WNT16: variants seen among roughly 807,000 people sequenced by gnomAD.
The protein encoded by WNT16 is protein Wnt-16.
Under a neutral mutation model 35.4 loss-of-function variants are expected in WNT16, and 20 were observed. The ratio of observed to expected loss-of-function variants is 0.56; its 90% CI spans 0.40 to 0.82. The LOEUF (loss-of-function observed/expected upper bound fraction) is 0.82. WNT16 is among the 40% of genes least tolerant of loss of function. The probability of loss-of-function intolerance (pLI) is 0.00; values close to 1 mark genes in which losing one functional copy is unlikely to be tolerated. For synonymous variants in WNT16, 180 were observed against 179.2 expected (o/e 1.00, Z -0.03); for missense variants, 461 against 466.0 (o/e 0.99, Z 0.10).
upstream of WNT16, among the ~76,000 whole-genome samples, chr7:121,326,518 C>G (rs1156524705): frequency 6.6e-6 from 1 of 152,162 alleles, no homozygotes. Context: ...ACCCCAAAGG[C>G]TTTATCTGGA....
chr7:121,331,590 T>C, intron 2 of WNT16, 88 bp from the exon 3 acceptor site: 1 of 1,251,476 alleles, frequency 8.0e-7, no homozygotes, highest in South Asian at 1.5e-5. Flanking sequence ...AAATTACTTG[T>C]CCAGTAAGAT....
Position 121,329,836 on chromosome 7 carries a change from G to A in WNT16, c.346+19G>A, listed in dbSNP as rs911217185. ...AGCAGCGGTGAGTCCTGGGTCCTTAGGGGTTGGTGGGGGACGGAAGGCGAC... is the reference window on the plus strand; with the variant it reads ...AGCAGCGGTGAGTCCTGGGTCCTTAAGGGTTGGTGGGGGACGGAAGGCGAC... On this transcript the variant is annotated intron_variant, in intron 2 of 3. Coordinates refer to ENST00000222462, the MANE Select transcript of WNT16 (RefSeq NM_057168.2). 11 of 1,593,810 alleles carry A rather than the reference G, an allele frequency of 6.9e-6. No homozygotes were observed. Among genetic ancestry groups the A allele is most frequent in the Non-Finnish European group, 5.9e-6 (7 of 1,176,648 alleles).
At chr7:121,327,714 A>G (rs1334938565), upstream of WNT16, among the ~76,000 whole-genome samples, 1 of 152,114 alleles carries the variant, frequency 6.6e-6, no homozygotes, top group East Asian at 1.9e-4. Context: ...CCACCATGGG[A>G]ATGTATTAAC....
intron 3 of WNT16, among the ~76,000 whole-genome samples, 184 bp downstream of exon 3, chr7:121,332,148 T>A (rs1476345524): frequency 6.6e-6 from 1 of 152,226 alleles, no homozygotes; most frequent in Non-Finnish European, 1.5e-5. Flanking sequence ...TTTCTAAATA[T>A]GTATGCGTTA....
chr7:121,335,718 A>G, intron 3 of WNT16, among the ~76,000 whole-genome samples: 1 of 152,080 alleles, frequency 6.6e-6, no homozygotes, highest in East Asian at 1.9e-4. Flanking sequence ...TTCCTTAAAT[A>G]TACTTGCATT....
At position 121,331,771 on chromosome 7, in the gene WNT16, G is replaced by A. The variant is rs1793352053; in HGVS notation, c.440G>A (p.Cys147Tyr). The stretch of plus-strand genomic sequence containing the variant: ...TGCAGTGCAGGCAACATGACAGAGT[G>A]TTCCTGTGACACCACCTTGCAGAAC... ...RSCSAGNMTE[C>Y]SCDTTLQNGG... Residue 147 changes from cysteine to tyrosine, a missense_variant, in exon 3 of 4, where the codon TGT (cysteine) becomes TAT (tyrosine). Cys to Tyr is a radical substitution (Grantham distance 194). Transcript: ENST00000222462. The A allele has an allele frequency of 6.2e-7, 1 of 1,614,114 alleles. No homozygotes were observed. Among genetic ancestry groups the A allele is most frequent in the African/African-American group, 1.3e-5 (1 of 74,940 alleles).
chr7:121,339,426 C>A lies in WNT16; in HGVS notation c.*81C>A. 3 of 1,330,308 alleles carry A rather than the reference C, an allele frequency of 2.3e-6. No individual in the cohort carries two copies. Among genetic ancestry groups the A allele is most frequent in the Non-Finnish European group, 2.1e-6 (2 of 973,606 alleles). The allele number at this position is 1,330,308 out of a possible 1,614,324, so 82.4% of individuals were successfully genotyped here. On this transcript the variant is annotated 3_prime_UTR_variant, in exon 4 of 4. Coordinates refer to ENST00000222462, the MANE Select transcript of WNT16 (RefSeq NM_057168.2). ...CAGAGAGGTGCCCATCCCTGTGCAGCGCTAGTAAAGTTGACTCTTGCAGTG... is the reference window on the plus strand; with the variant it reads ...CAGAGAGGTGCCCATCCCTGTGCAGAGCTAGTAAAGTTGACTCTTGCAGTG...
rs147181856 is a variant in WNT16 at position 121,339,151 on chromosome 7, A to C, written c.904A>C (p.Ile302Leu). 1.8e-5 allele frequency: 29 copies of C among 1,614,116 alleles called. No individual in the cohort carries two copies. The highest frequency in any genetic ancestry group is 2.4e-5 in the Non-Finnish European group (28 of 1,180,036). Reference sequence around the variant, plus strand: ...CTGTGTAGAAGATAAGAAACTGGGAATCCCAGGGACACAAGGCAGAGAATG... The same window carrying C: ...CTGTGTAGAAGATAAGAAACTGGGACTCCCAGGGACACAAGGCAGAGAATG... The part of the protein sequence containing the change: ...NYCVEDKKLG[I>L]PGTQGRECNR... The change falls in exon 4 of 4, where the codon ATC becomes CTC. Residue 302 changes from isoleucine (I) to leucine (L), a missense_variant. Transcript: ENST00000222462.
intron 3 of WNT16, among the ~76,000 whole-genome samples, chr7:121,334,289 T>C (rs980981873): frequency 1.3e-5 from 2 of 152,142 alleles, no homozygotes; most frequent in African/African-American, 4.8e-5. Context: ...AACATTTTCC[T>C]GGTTATTTGG....
upstream of WNT16, among the ~76,000 whole-genome samples, chr7:121,326,457 ATGTT>A (rs1209356317): frequency 1.3e-5 from 2 of 152,198 alleles, no homozygotes; most frequent in Non-Finnish European, 2.9e-5. Flanking sequence ...GTGTTTGAAA[ATGTT>A]TGACACAGTG....
In WNT16 at chr7:121,338,375, A is replaced by G. The variant is rs200087315; in HGVS notation, c.634-506A>G. 1.7e-4 allele frequency among the ~76,000 whole-genome samples: 26 copies of G among 152,252 alleles called. No individual in the cohort carries two copies. In the East Asian group the frequency reaches 4.6e-3, roughly 27 times the overall value. ...TCTCTCTCAGTGCTTCTCAAATTTT[A>G]ATGACAATCTTGTTAAAAATGCAGC... On this transcript the variant is annotated intron_variant, in intron 3 of 3. Coordinates refer to ENST00000222462, the MANE Select transcript of WNT16 (RefSeq NM_057168.2).
In WNT16 at chr7:121,340,071, G is replaced by A. The variant is rs1793509387; in HGVS notation, c.*726G>A. ...GAGAATCTGGAAAAACCTCCATAAGGTATATAGCAATCTTTGATCTTTAGA... is the reference window on the plus strand; with the variant it reads ...GAGAATCTGGAAAAACCTCCATAAGATATATAGCAATCTTTGATCTTTAGA... On this transcript the variant is annotated 3_prime_UTR_variant, in exon 4 of 4. Coordinates refer to ENST00000222462, the MANE Select transcript of WNT16 (RefSeq NM_057168.2). The A allele has an allele frequency of 6.6e-6, 1 of 152,214 alleles. No individual in the cohort carries two copies. Among genetic ancestry groups the A allele is most frequent in the Non-Finnish European group, 1.5e-5 (1 of 68,004 alleles). 9.4% of individuals were successfully genotyped at this position (152,214 alleles called of 1,614,324 possible). A position where few individuals can be genotyped will look rare whatever the true frequency, so the allele number is the denominator to read the frequency against.
At chr7:121,338,350 T>A (rs1189470418) in intron 3 of WNT16, among the ~76,000 whole-genome samples, 1 of 152,180 alleles carries the variant, frequency 6.6e-6, no homozygotes, top group East Asian at 1.9e-4. Context: ...AAGGGTAACT[T>A]CTCTCTCAGT....
At chr7:121,338,658 T>C (rs1234935515) in intron 3 of WNT16, among the ~76,000 whole-genome samples, 1 of 152,244 alleles carries the variant, frequency 6.6e-6, no homozygotes, top group Non-Finnish European at 1.5e-5. Flanking sequence ...TGGAAAGCTT[T>C]GCTCTGAAGG....
intron 3 of WNT16, among the ~76,000 whole-genome samples, chr7:121,337,379 T>C (rs1242598660): frequency 6.6e-6 from 1 of 152,236 alleles, no homozygotes; most frequent in Non-Finnish European, 1.5e-5. Context: ...TTTGAAAACA[T>C]AACATTCTGC....
upstream of WNT16, among the ~76,000 whole-genome samples, chr7:121,327,124 G>C (rs1310572229): frequency 6.6e-6 from 1 of 152,232 alleles, no homozygotes; most frequent in Admixed American, 6.5e-5. Context: ...CTGACTTTCA[G>C]AGAGGCCACT....
rs1410591479 is a variant in WNT16 at position 121,339,017 on chromosome 7, T to C, written c.770T>C (p.Ile257Thr). The C allele has an allele frequency of 1.9e-6, 3 of 1,613,924 alleles. No homozygotes were observed. The highest frequency in any genetic ancestry group is 2.5e-6 in the Non-Finnish European group (3 of 1,180,002). The change falls in exon 4 of 4, where the codon ATC becomes ACC. Residue 257 changes from isoleucine to threonine, a missense_variant. By Grantham distance (89) the Ile-to-Thr change is moderately conservative (BLOSUM62 -1). Coordinates refer to ENST00000222462, the MANE Select transcript of WNT16 (RefSeq NM_057168.2). ...HLLKDKYENSIQISDKTKRKM... is the reference protein window; with the variant it reads ...HLLKDKYENSTQISDKTKRKM... ...TTGAAGGATAAATATGAAAACAGTA[T>C]CCAGATATCAGACAAAACAAAGAGG...
At chr7:121,325,413 C>CCCAA, upstream of WNT16, 1 of 1,613,226 alleles carries the variant, frequency 6.2e-7, no homozygotes, top group Non-Finnish European at 8.5e-7. Context: ...TGGAAAGGCA[C>CCCAA]CCATGCAGCT....
rs368871272 is a variant in WNT16 at position 121,329,834 on chromosome 7, T to C, written c.346+17T>C. On this transcript the variant is annotated intron_variant, in intron 2 of 3. Transcript: ENST00000222462. ...TGAGCAGCGGTGAGTCCTGGGTCCT[T>C]AGGGGTTGGTGGGGGACGGAAGGCG... The C allele has an allele frequency of 2.4e-5, 38 of 1,595,848 alleles. 1 individual carries two copies. The South Asian group carries it at 3.1e-4, about 13-fold the overall frequency.
Sources: gnomAD v4.1 joint callset for allele counts (sites outside exome capture counted in the v4.1 genomes callset) on GRCh38, gnomAD v4.1.1 for gene constraint, MANE v1.5 for transcripts, NCBI Gene and HGNC (gene_info 2026-07-23, HGNC 2026-07-21) for gene names.